The following MTUS2 variants were observed in gnomAD, a reference collection of about 807,000 sequenced individuals.
MTUS2 encodes microtubule associated scaffold protein 2, also known as microtubule-associated tumor suppressor candidate 2.
Under a neutral mutation model 114.1 loss-of-function variants are expected in MTUS2, and 40 were observed. The observed-to-expected ratio is 0.35, with a 90% confidence interval of 0.27 to 0.46. The LOEUF is 0.46. MTUS2 is among the 20% of genes least tolerant of loss of function. The pLI, the probability that MTUS2 is intolerant of heterozygous loss-of-function variation, is 1.00. For missense variants in MTUS2, 1,679 were observed against 1,705.4 expected (o/e 0.98, Z 0.27); for synonymous variants, 688 against 672.0 (o/e 1.02, Z -0.37).
chr13:29,085,603 C>CA (rs1889655443), intron 4 of MTUS2, among the ~76,000 whole-genome samples: 1 of 152,172 alleles, frequency 6.6e-6, no homozygotes, highest in Non-Finnish European at 1.5e-5. Context: ...CATGTTCCTG[C>CA]AAAGGACATG....
chr13:28,983,703 G>C (rs1450522279), intron 2 of MTUS2, among the ~76,000 whole-genome samples: 1 of 152,202 alleles, frequency 6.6e-6, no homozygotes, highest in African/African-American at 2.4e-5. Flanking sequence ...TCCCACCCCA[G>C]GCCCTTGGAA....
chr13:29,273,861 C>T (rs950417912), intron 5 of MTUS2, among the ~76,000 whole-genome samples: 2 of 152,130 alleles, frequency 1.3e-5, no homozygotes, highest in African/African-American at 4.8e-5. Context: ...TTCATTTCTT[C>T]TTATGGCTGA....
chr13:28,980,297 T>G (rs1448872137), intron 2 of MTUS2, among the ~76,000 whole-genome samples: 10 of 152,238 alleles, frequency 6.6e-5, no homozygotes, highest in Non-Finnish European at 1.3e-4. Context: ...ATACATTTGT[T>G]TACATTGTTA....
At chr13:29,192,492 A>G (rs1023447500) in intron 5 of MTUS2, among the ~76,000 whole-genome samples, 1 of 152,140 alleles carries the variant, frequency 6.6e-6, no homozygotes, top group African/African-American at 2.4e-5. Context: ...GCACTGAACA[A>G]TTAATATAGT....
At chr13:29,456,302 A>G (rs1879105211) in intron 9 of MTUS2, among the ~76,000 whole-genome samples, 2 of 152,314 alleles carry the variant, frequency 1.3e-5, no homozygotes, top group East Asian at 1.9e-4. Flanking sequence ...ATATTAGCCA[A>G]TCAGAAGAAC....
At chr13:28,946,588 G>T (rs777865900) in intron 2 of MTUS2, among the ~76,000 whole-genome samples, 12 of 152,098 alleles carry the variant, frequency 7.9e-5, no homozygotes, top group Non-Finnish European at 1.6e-4. Flanking sequence ...ATATCAACAT[G>T]GATAGAACCG....
intron 2 of MTUS2, among the ~76,000 whole-genome samples, chr13:28,958,078 G>T (rs1566251714): frequency 6.6e-6 from 1 of 152,202 alleles, no homozygotes. Flanking sequence ...TGCTGGAATT[G>T]TCAGCGTTGG....
chr13:28,833,699 G>A (rs7316964), intron 1 of MTUS2, among the ~76,000 whole-genome samples: 100 of 152,148 alleles, frequency 6.6e-4, no homozygotes, highest in African/African-American at 2.3e-3. Context: ...GGATGTTCTA[G>A]CCAAGGCAAG....
chr13:28,977,801 T>G (rs1024319830), intron 2 of MTUS2, among the ~76,000 whole-genome samples: 1 of 152,242 alleles, frequency 6.6e-6, no homozygotes, highest in African/African-American at 2.4e-5. Flanking sequence ...ATTCATTTAT[T>G]TTTAATAGGA....
chr13:29,412,272 G>A (rs555149911), intron 8 of MTUS2, among the ~76,000 whole-genome samples: 10 of 152,252 alleles, frequency 6.6e-5, no homozygotes, highest in Admixed American at 3.3e-4. Context: ...TTCATTTCCT[G>A]TTTTCTTGAG....
intron 4 of MTUS2, among the ~76,000 whole-genome samples, chr13:29,087,841 A>G (rs1262417282): frequency 6.6e-6 from 1 of 152,064 alleles, no homozygotes; most frequent in African/African-American, 2.4e-5. Flanking sequence ...GGCGGATCAC[A>G]AGGTCAGGAG....
At chr13:29,150,917 A>G (rs1437583401) in intron 5 of MTUS2, among the ~76,000 whole-genome samples, 4 of 152,160 alleles carry the variant, frequency 2.6e-5, no homozygotes, top group African/African-American at 9.7e-5. Context: ...CTGTTTTCAT[A>G]CCAGAATCAT....
intron 5 of MTUS2, among the ~76,000 whole-genome samples, chr13:29,180,783 G>A (rs1196904714): frequency 6.6e-6 from 1 of 152,178 alleles, no homozygotes; most frequent in Non-Finnish European, 1.5e-5. Context: ...GCTCTTACAA[G>A]TGGGACAGCG....
chr13:29,020,635 C>A (rs757685447), intron 2 of MTUS2, among the ~76,000 whole-genome samples: 1 of 152,238 alleles, frequency 6.6e-6, no homozygotes, highest in South Asian at 2.1e-4. Flanking sequence ...TGAACTTCCA[C>A]GTGTTGGTTT....
chr13:29,337,881 C>T (rs1901163010), intron 7 of MTUS2, among the ~76,000 whole-genome samples: 1 of 151,804 alleles, frequency 6.6e-6, no homozygotes. Context: ...TTCTGCCTCC[C>T]AGGTTCAAGC....
chr13:29,311,754 A>C (rs1350188307), intron 6 of MTUS2, among the ~76,000 whole-genome samples: 1 of 152,212 alleles, frequency 6.6e-6, no homozygotes, highest in African/African-American at 2.4e-5. Flanking sequence ...TTCAGTGGCA[A>C]CTTCAATCAC....
chr13:29,313,773 A>G (rs1383546185), intron 6 of MTUS2, among the ~76,000 whole-genome samples: 2 of 152,198 alleles, frequency 1.3e-5, no homozygotes, highest in African/African-American at 4.8e-5. Context: ...GAAATTTTAC[A>G]ACGCTGGGGA....
chr13:28,828,359 C>A (rs1348993702), intron 1 of MTUS2, among the ~76,000 whole-genome samples: 2 of 152,128 alleles, frequency 1.3e-5, no homozygotes, highest in Non-Finnish European at 2.9e-5. Context: ...TTAACACAAT[C>A]ATCACAGGGT....
In MTUS2 at chr13:29,026,298, G is replaced by T. The variant is rs1161054474; in HGVS notation, c.1600G>T (p.Ala534Ser). The change falls in exon 3 of 16, where the codon GCA (alanine) becomes TCA (serine). Residue 534 changes from alanine to serine, a missense_variant. By Grantham distance (99) the Ala-to-Ser change is moderately conservative. This residue lies in a region of MTUS2 where 843 missense variants were observed against 770.8 expected (regional missense o/e 1.09). Coordinates refer to ENST00000612955, the MANE Select transcript of MTUS2 (RefSeq NM_001033602.4). ...ARADSVLNIP[A>S]PLHPETTVNM... ...AGCAGATTCAGTTCTCAATATTCCA[G>T]CACCCCTCCACCCAGAGACAACTGT... 12 of 1,613,822 alleles carry T rather than the reference G, an allele frequency of 7.4e-6. No individual in the cohort carries two copies. The highest frequency in any genetic ancestry group is 1.0e-5 in the Non-Finnish European group (12 of 1,179,892).
Sources: allele counts gnomAD v4.1 joint callset (sites outside exome capture counted in the v4.1 genomes callset), GRCh38; gene constraint gnomAD v4.1.1; regional missense constraint gnomAD v4.1.1; transcripts MANE v1.5; gene names NCBI Gene and HGNC (gene_info 2026-07-23, HGNC 2026-07-21).